Variants in TLE1 observed in about 807,000 individuals in gnomAD.
TLE1 encodes the protein transducin-like enhancer protein 1.
A neutral mutation model predicts 89.8 loss-of-function variants in TLE1; 21 were observed. That is an observed-to-expected ratio of 0.23 (90% CI 0.17 to 0.34). The LOEUF is 0.34. TLE1 is among the 10% of genes least tolerant of loss of function. The pLI, the probability that TLE1 is intolerant of heterozygous loss-of-function variation, is 1.00. For missense variants in TLE1, 795 were observed against 1,031.2 expected, an observed-to-expected ratio of 0.77 and a Z score of 3.14; for synonymous variants, 447 against 407.6, an observed-to-expected ratio of 1.10 and a Z score of -1.16.
intron 12 of TLE1, chr9:81,612,298 T>C: frequency 9.3e-7 from 1 of 1,073,086 alleles, no homozygotes; most frequent in Non-Finnish European, 1.1e-6. Flanking sequence ...TTACCTGACT[T>C]AATCTCAAAA....
intron 4 of TLE1, among the ~76,000 whole-genome samples, chr9:81,674,202 C>G (rs935273663): frequency 6.6e-6 from 1 of 152,240 alleles, no homozygotes; most frequent in Non-Finnish European, 1.5e-5. Context: ...CAAGCAGTAT[C>G]AGCAAGTCAC....
In TLE1 at chr9:81,593,043, G is replaced by A; in HGVS notation, c.1563C>T (p.Val521=). 1 of 1,613,524 alleles carries A rather than the reference G, an allele frequency of 6.2e-7. No homozygotes were observed. Among genetic ancestry groups the A allele is most frequent in the South Asian group, 1.1e-5 (1 of 91,064 alleles). Residue 521 remains valine (V), a synonymous_variant, in exon 15 of 20, where the codon GTC becomes GTT. Coordinates refer to ENST00000376499, the MANE Select transcript of TLE1 (RefSeq NM_005077.5). ...DISHPGNKSP[V]SQLDCLNRDN... is the part of the protein sequence containing the mutation. ...CACTCACCAGACAGTCGAGCTGGGA[G>A]ACAGGGCTCTTATTGCCAGGGTGGC...
chr9:81,599,497 T>C (rs1830642958), intron 14 of TLE1, among the ~76,000 whole-genome samples: 1 of 152,130 alleles, frequency 6.6e-6, no homozygotes, highest in Non-Finnish European at 1.5e-5. Context: ...ATGAGAATAA[T>C]GTAATTTATG....
intron 11 of TLE1, among the ~76,000 whole-genome samples, chr9:81,614,335 C>T (rs1259729938): frequency 2.0e-5 from 3 of 152,180 alleles, no homozygotes; most frequent in Non-Finnish European, 4.4e-5. Context: ...CTAAAAAGAA[C>T]AACACTTTGG....
In TLE1 at chr9:81,593,130, G is replaced by T. The variant is rs1400334664; in HGVS notation, c.1476C>A (p.Ile492=). The part of the protein sequence containing the change: ...NHGEVVCAVT[I]SNPTRHVYTG... ...TGTACACGTGTCTCGTGGGGTTGCT[G>T]ATGGTCACAGCGCACACCACCTCCC... The change falls in exon 15 of 20, where the codon ATC becomes ATA. Residue 492 remains isoleucine (I), a synonymous_variant. Transcript: ENST00000376499. The T allele has an allele frequency of 6.2e-7, 1 of 1,614,164 alleles. No homozygotes were observed. The highest frequency in any genetic ancestry group is 1.1e-5 in the South Asian group (1 of 91,084).
chr9:81,624,638 G>C (rs566356760), intron 8 of TLE1, among the ~76,000 whole-genome samples: 1 of 152,130 alleles, frequency 6.6e-6, no homozygotes, highest in South Asian at 2.1e-4. Flanking sequence ...GAAACCCAAA[G>C]TTTTATTTCA....
intron 6 of TLE1, among the ~76,000 whole-genome samples, chr9:81,651,752 A>T (rs1312685155): frequency 6.6e-6 from 1 of 152,146 alleles, no homozygotes; most frequent in Non-Finnish European, 1.5e-5. Flanking sequence ...TCTAACCTAA[A>T]GCTTTTACTA....
At chr9:81,660,709 C>A (rs1830657376) in intron 4 of TLE1, among the ~76,000 whole-genome samples, 1 of 151,442 alleles carries the variant, frequency 6.6e-6, no homozygotes, top group South Asian at 2.1e-4. Flanking sequence ...AGCCACCATG[C>A]CCAGCTACAT....
At chr9:81,675,708 G>GTTTTTTTTTTTTTTTTTTTTT (rs61458315) in intron 4 of TLE1, among the ~76,000 whole-genome samples, 8 of 132,440 alleles carry the variant, frequency 6.0e-5, no homozygotes, top group African/African-American at 2.4e-4. Flanking sequence ...GTTTTTTTTT[G>GTTTTTTTTTTTTTTTTTTTTT]TTTTTTTTTT....
chr9:81,665,862 ATTT>A (rs10696235), intron 4 of TLE1, among the ~76,000 whole-genome samples: 1 of 147,256 alleles, frequency 6.8e-6, no homozygotes, highest in Non-Finnish European at 1.5e-5. Context: ...GGCTGCCCTC[ATTT>A]TTTTTTTTTT....
At chr9:81,646,571 G>A (rs557230150) in intron 6 of TLE1, among the ~76,000 whole-genome samples, 1 of 152,194 alleles carries the variant, frequency 6.6e-6, no homozygotes, top group South Asian at 2.1e-4. Flanking sequence ...AAGAATAAGA[G>A]GCCAACCTCA....
chr9:81,675,580 T>C (rs1832770692), intron 4 of TLE1, among the ~76,000 whole-genome samples: 2 of 152,074 alleles, frequency 1.3e-5, no homozygotes, highest in Admixed American at 6.6e-5. Flanking sequence ...CTAAGAACTC[T>C]CAGTGGTTAC....
At chr9:81,593,374 AG>A in intron 14 of TLE1, 100 bp from the exon 15 acceptor site, 2 of 1,405,116 alleles carry the variant, frequency 1.4e-6, no homozygotes, top group South Asian at 1.5e-5. Context: ...GATGAAAAAA[AG>A]GAAAGATTCT....
At chr9:81,667,995 C>G (rs1468994455) in intron 4 of TLE1, among the ~76,000 whole-genome samples, 2 of 151,990 alleles carry the variant, frequency 1.3e-5, no homozygotes, top group Non-Finnish European at 2.9e-5. Context: ...GAAACCCTGT[C>G]TCTATTAAAA....
intron 14 of TLE1, among the ~76,000 whole-genome samples, chr9:81,604,063 T>G (rs1435494237): frequency 6.6e-6 from 1 of 152,210 alleles, no homozygotes; most frequent in Non-Finnish European, 1.5e-5. Context: ...GTCGCTTCTT[T>G]GGGTCTTCAT....
rs3063325 is a variant in TLE1, at chr9:81,607,337, T to TACAC, written c.1331+2879_1331+2882dup. ...TCTGTCTTACAACTGACCCTGTTAA[T>TACAC]ACACACACACACACACACATATAAG... On this transcript the variant is annotated intron_variant, in intron 14 of 19. Coordinates refer to ENST00000376499, the MANE Select transcript of TLE1 (RefSeq NM_005077.5). Among the ~76,000 whole-genome samples, 1,263 of 150,376 alleles carry TACAC rather than the reference T, an allele frequency of 8.4e-3. 7 individuals carry two copies. Among genetic ancestry groups the TACAC allele is most frequent in the African/African-American group, 0.024 (987 of 40,926 alleles).
chr9:81,678,853 A>G (rs1372482055), intron 4 of TLE1, among the ~76,000 whole-genome samples: 1 of 149,524 alleles, frequency 6.7e-6, no homozygotes, highest in African/African-American at 2.5e-5. Flanking sequence ...GAAAAAAAAA[A>G]TTAGGGGCTG....
At chr9:81,644,110 T>C (rs1039760049) in intron 6 of TLE1, among the ~76,000 whole-genome samples, 7 of 152,228 alleles carry the variant, frequency 4.6e-5, no homozygotes, top group African/African-American at 1.7e-4. Flanking sequence ...AGAGATCATG[T>C]AGAGAAATTG....
rs777951267 is a variant in TLE1, at chr9:81,620,443, A to G, written c.709T>C (p.Tyr237His). Residue 237 changes from tyrosine to histidine, a missense_variant and splice_region_variant, in exon 9 of 20, where the codon TAT (tyrosine) becomes CAT (histidine). By Grantham distance (83) the Tyr-to-His change is moderately conservative (BLOSUM62 2). This residue lies in a region of TLE1 where 468 missense variants were observed against 509.1 expected (regional missense o/e 0.92). Transcript: ENST00000376499. ...TTTCAAGTCCTTTAATTACTTACAT[A>G]GTGGCTGGAGTCCTTATCATCCACC... Reference protein sequence around the residue: ...RKVDDKDSSHYDSDGDKSDDN... With the variant: ...RKVDDKDSSHHDSDGDKSDDN... 13 of 1,609,688 alleles carry G rather than the reference A, an allele frequency of 8.1e-6. No homozygotes were observed. The highest frequency in any genetic ancestry group is 1.0e-5 in the Non-Finnish European group (12 of 1,177,808).
Sources: gnomAD v4.1 joint callset for allele counts (sites outside exome capture counted in the v4.1 genomes callset) on GRCh38, gnomAD v4.1.1 for gene constraint, gnomAD v4.1.1 regional missense constraint, MANE v1.5 for transcripts, NCBI Gene and HGNC (gene_info 2026-07-23, HGNC 2026-07-21) for gene names.